The following CFAP96 variants were observed in gnomAD, a reference collection of about 807,000 sequenced individuals.
The protein encoded by CFAP96 is cilia-and flagella-associated protein 96.
the CFAP96 span, chr4:185,426,154 T>G: frequency 2.0e-6 from 1 of 511,156 alleles, no homozygotes; most frequent in African/African-American, 1.9e-5. Context: ...TCGATGCGGA[T>G]TCGAATCTCC....
chr4:185,442,811 C>T, the CFAP96 span, among the ~76,000 whole-genome samples: 1 of 152,140 alleles, frequency 6.6e-6, no homozygotes, highest in Non-Finnish European at 1.5e-5. Context: ...TTTAGACTAT[C>T]CCTTCACTCC....
chr4:185,426,074 A>G, the CFAP96 span: 3 of 610,776 alleles, frequency 4.9e-6, no homozygotes, highest in East Asian at 5.6e-5. Flanking sequence ...CCGAAGACTT[A>G]TGTTTGGTAA....
At chr4:185,438,425 A>T in the CFAP96 span, among the ~76,000 whole-genome samples, 7 of 152,126 alleles carry the variant, frequency 4.6e-5, no homozygotes, top group African/African-American at 1.7e-4. Context: ...GCTCTCTAGA[A>T]GTTTGAGTAT....
At chr4:185,415,485 T>C in the CFAP96 span, 2 of 842,406 alleles carry the variant, frequency 2.4e-6, no homozygotes, top group East Asian at 2.9e-5. Context: ...AATTATACAT[T>C]ATAAAAGAAA....
chr4:185,449,510 G>A, the CFAP96 span: 8 of 819,984 alleles, frequency 9.8e-6, no homozygotes, highest in Middle Eastern at 7.5e-4. Flanking sequence ...GCAACAGAGC[G>A]AGACCCGGTC....
the CFAP96 span, among the ~76,000 whole-genome samples, chr4:185,419,170 C>T: frequency 7.9e-5 from 12 of 151,684 alleles, no homozygotes; most frequent in Non-Finnish European, 1.6e-4. Context: ...CTCGCTCTGT[C>T]GCCCAGGCTG....
At chr4:185,436,177 G>T in the CFAP96 span, 5 of 1,549,284 alleles carry the variant, frequency 3.2e-6, no homozygotes, top group Non-Finnish European at 4.4e-6. Flanking sequence ...AAAGGAACTG[G>T]ATATGGGTAA....
At chr4:185,418,493 T>A in the CFAP96 span, 2 of 1,612,212 alleles carry the variant, frequency 1.2e-6, no homozygotes, top group Non-Finnish European at 1.7e-6. Flanking sequence ...TTTTATATCT[T>A]CTTCTGGCTC....
At chr4:185,415,778 G>A in the CFAP96 span, 2 of 1,613,724 alleles carry the variant, frequency 1.2e-6, no homozygotes, top group Admixed American at 3.3e-5. Context: ...TAACATAATG[G>A]TGTCCTCCGC....
chr4:185,413,305 T>C, the CFAP96 span, among the ~76,000 whole-genome samples: 2 of 152,146 alleles, frequency 1.3e-5, no homozygotes, highest in Non-Finnish European at 2.9e-5. Context: ...GGAGAATTGC[T>C]TGAACCCAGG....
chr4:185,443,338 A>ATTTT, the CFAP96 span, among the ~76,000 whole-genome samples: 1 of 32,102 alleles, frequency 3.1e-5, no homozygotes, highest in African/African-American at 9.4e-5. Context: ...ATATATATAT[A>ATTTT]TATATTTTTT....
the CFAP96 span, among the ~76,000 whole-genome samples, chr4:185,433,938 G>T: frequency 6.6e-6 from 1 of 151,992 alleles, no homozygotes; most frequent in Non-Finnish European, 1.5e-5. Flanking sequence ...GAGGATTTTC[G>T]GTGGGTGCAG....
At chr4:185,438,644 T>A in the CFAP96 span, among the ~76,000 whole-genome samples, 1 of 152,238 alleles carries the variant, frequency 6.6e-6, no homozygotes, top group East Asian at 1.9e-4. Flanking sequence ...GGAATTTTAC[T>A]TCGTTGAGTG....
the CFAP96 span, among the ~76,000 whole-genome samples, chr4:185,427,712 A>G: frequency 4.0e-5 from 6 of 150,982 alleles, no homozygotes; most frequent in South Asian, 2.1e-4. Context: ...GTGAGCTGAG[A>G]TAGCGCCTCT....
chr4:185,436,482 T>A, the CFAP96 span: 1 of 647,720 alleles, frequency 1.5e-6, no homozygotes, highest in Non-Finnish European at 2.7e-6. Context: ...GTGGCCGAGA[T>A]GGGCGGATCA....
the CFAP96 span, among the ~76,000 whole-genome samples, chr4:185,425,070 G>GGAT: frequency 6.6e-6 from 1 of 152,212 alleles, no homozygotes; most frequent in Non-Finnish European, 1.5e-5. Context: ...TCAAGGCCAA[G>GGAT]GATGGTAAGA....
the CFAP96 span, among the ~76,000 whole-genome samples, chr4:185,429,011 A>G: frequency 6.6e-6 from 1 of 152,258 alleles, no homozygotes; most frequent in Non-Finnish European, 1.5e-5. Flanking sequence ...TTCTCAAAAG[A>G]AGGATTTGTT....
At chr4:185,436,405 A>G in the CFAP96 span, 3 of 1,343,740 alleles carry the variant, frequency 2.2e-6, no homozygotes, top group East Asian at 7.6e-5. Context: ...TTATTTAGCT[A>G]ACTCGATATT....
the CFAP96 span, among the ~76,000 whole-genome samples, chr4:185,425,062 A>C: frequency 6.6e-6 from 1 of 152,212 alleles, no homozygotes; most frequent in Non-Finnish European, 1.5e-5. Context: ...GATAGATCTC[A>C]AGGCCAAGGA....
Sources: gnomAD v4.1 joint callset for allele counts (sites outside exome capture counted in the v4.1 genomes callset) on GRCh38, gnomAD v4.1.1 for gene constraint, MANE v1.5 for transcripts, NCBI Gene and HGNC (gene_info 2026-07-23, HGNC 2026-07-21) for gene names.